The following LMBRD2 variants were observed in gnomAD, a reference collection of about 807,000 sequenced individuals.
LMBRD2 encodes LMBR1 domain containing 2.
A neutral mutation model predicts 94.4 loss-of-function variants in LMBRD2; 55 were observed. That is an observed-to-expected ratio of 0.58 (90% CI 0.47 to 0.73). LMBRD2 has a LOEUF of 0.73. Ranked by LOEUF, LMBRD2 falls within the 30% of genes least tolerant of loss-of-function variation. The pLI is 0.00. For synonymous variants in LMBRD2, 246 were observed against 272.4 expected (o/e 0.90, Z 0.95); for missense variants, 640 against 831.9 (o/e 0.77, Z 2.84).
Position 36,117,874 on chromosome 5 carries a change from ATC to A in LMBRD2, c.1161_1162del (p.Lys387AsnfsTer22), listed in dbSNP as rs1382170859. 1 of 1,613,272 alleles carries A rather than the reference ATC, an allele frequency of 6.2e-7. No individual in the cohort carries two copies. The highest frequency in any genetic ancestry group is 1.3e-5 in the African/African-American group (1 of 74,884). ...GAAGATGGACAGAACCACAGCAAGT[ATC>A]TTGTAAAACCATGGTCGCAAAAGAC... is the stretch of plus-strand genomic sequence containing the variant. On this transcript the variant is annotated frameshift_variant, in exon 10 of 18. Coordinates refer to ENST00000296603, the MANE Select transcript of LMBRD2 (RefSeq NM_001007527.2). LOFTEE classifies it high-confidence loss of function.
At chr5:36,146,218 AAAC>A (rs1248347915) in intron 1 of LMBRD2, among the ~76,000 whole-genome samples, 1 of 152,246 alleles carries the variant, frequency 6.6e-6, no homozygotes, top group Non-Finnish European at 1.5e-5. Context: ...TAGTGACTTT[AAAC>A]AACATCCATT....
chr5:36,104,233 G>A (rs1206031759), intron 17 of LMBRD2, 127 bp from the exon 18 acceptor site: 3 of 698,498 alleles, frequency 4.3e-6, no homozygotes, highest in Non-Finnish European at 7.5e-6. Context: ...GTCAGTAGCT[G>A]AAAGCAGAAA....
rs981512066 is a variant in LMBRD2 at position 36,134,869 on chromosome 5, T to C, written c.747+1440A>G. ...TTTATGTTAAGACTTGAAAATGAAA[T>C]AGGAATTAGCTGAAGAGAGTGCTGA... On this transcript the variant is annotated intron_variant, in intron 6 of 17. Transcript: ENST00000296603. Among the ~76,000 whole-genome samples, 11 of 152,188 alleles carry C rather than the reference T, an allele frequency of 7.2e-5. No individual in the cohort carries two copies. The South Asian group carries it at 1.7e-3, about 23-fold the overall frequency.
At chr5:36,105,270 C>G (rs942521480) in intron 16 of LMBRD2, 73 bp from the exon 17 acceptor site, 33 of 1,370,682 alleles carry the variant, frequency 2.4e-5, no homozygotes, top group Non-Finnish European at 3.0e-5. Flanking sequence ...TATGGAGGTA[C>G]AGAAAGAAAA....
In LMBRD2 at chr5:36,109,951, T is replaced by A. The variant is rs1486726628; in HGVS notation, c.1785A>T (p.Arg595=). 1 of 1,604,808 alleles carries A rather than the reference T, an allele frequency of 6.2e-7. No individual in the cohort carries two copies. Among genetic ancestry groups the A allele is most frequent in the East Asian group, 2.2e-5 (1 of 44,736 alleles). ...AAATTAATACTGTACTTACTCTTCT[T>A]CGATTTTCACCTTCTTCTTGCCTTT... ...KRQRQEEGEN[R]RREWKERYGH... Residue 595 remains arginine (R), a synonymous_variant, in exon 15 of 18, where the codon CGA becomes CGT. Transcript: ENST00000296603.
chr5:36,121,680 TAC>T (rs1440213751), intron 9 of LMBRD2, among the ~76,000 whole-genome samples: 8 of 152,196 alleles, frequency 5.3e-5, no homozygotes, highest in Admixed American at 1.3e-4. Context: ...CTATTTTAAG[TAC>T]AGTCATGTGT....
chr5:36,118,767 C>T (rs1392387196), intron 9 of LMBRD2, among the ~76,000 whole-genome samples: 1 of 151,870 alleles, frequency 6.6e-6, no homozygotes, highest in African/African-American at 2.4e-5. Context: ...TCTCCTGCCT[C>T]AGCCTCCCAA....
At chr5:36,104,333 A>T (rs1743415340) in intron 17 of LMBRD2, among the ~76,000 whole-genome samples, 1 of 152,024 alleles carries the variant, frequency 6.6e-6, no homozygotes, top group Non-Finnish European at 1.5e-5. Context: ...TGACAGAGTG[A>T]GAGATGTAAA....
At chr5:36,104,615 T>A (rs1455093647) in intron 17 of LMBRD2, among the ~76,000 whole-genome samples, 1 of 152,014 alleles carries the variant, frequency 6.6e-6, no homozygotes, top group African/African-American at 2.4e-5. Flanking sequence ...ACTGAGCCTC[T>A]CTGGATTTAA....
Position 36,151,041 on chromosome 5 carries a change from A to AT in LMBRD2, c.-58+514_-58+515insA, listed in dbSNP as rs1418279452. On this transcript the variant is annotated intron_variant, in intron 1 of 17. Coordinates refer to ENST00000296603, the MANE Select transcript of LMBRD2 (RefSeq NM_001007527.2). This position sits in a 1 kb window ranked among gnomAD's most constrained non-coding sequence, Gnocchi z 4.7. Reference sequence around the variant, plus strand: ...CCTCTTCCACTGTTTTCCCGGGGTCACAGTTGTAGTATAGTTTGCCCAATG... The same window carrying AT: ...CCTCTTCCACTGTTTTCCCGGGGTCATCAGTTGTAGTATAGTTTGCCCAATG... Among the ~76,000 whole-genome samples the AT allele has an allele frequency of 6.6e-6, 1 of 152,186 alleles. No individual in the cohort carries two copies. The highest frequency in any genetic ancestry group is 1.5e-5 in the Non-Finnish European group (1 of 68,032).
At chr5:36,147,712 A>C (rs2111919592) in intron 1 of LMBRD2, among the ~76,000 whole-genome samples, 1 of 152,288 alleles carries the variant, frequency 6.6e-6, no homozygotes, top group East Asian at 1.9e-4. Context: ...TACGGCTGAT[A>C]ATAGTTTTTC....
chr5:36,117,962 A>G, intron 9 of LMBRD2, 46 bp from the exon 10 acceptor site: 1 of 1,382,850 alleles, frequency 7.2e-7, no homozygotes, highest in Non-Finnish European at 9.9e-7. Context: ...ACAAAAGAGT[A>G]ATGGGATATT....
intron 5 of LMBRD2, 43 bp downstream of exon 5, chr5:36,137,231 C>A (rs1389312152): frequency 3.1e-6 from 4 of 1,310,518 alleles, no homozygotes; most frequent in Middle Eastern, 5.1e-4. Context: ...TTTAAAAATG[C>A]AAACATACAT....
intron 7 of LMBRD2, among the ~76,000 whole-genome samples, chr5:36,123,642 C>T (rs1028414439): frequency 8.6e-5 from 13 of 151,156 alleles, no homozygotes; most frequent in African/African-American, 3.2e-4. Flanking sequence ...TATATGAATA[C>T]CCCTAATTCA....
intron 1 of LMBRD2, among the ~76,000 whole-genome samples, chr5:36,150,985 T>C (rs986985428): frequency 2.0e-5 from 3 of 152,240 alleles, no homozygotes; most frequent in African/African-American, 4.8e-5. Context: ...TAAATCTTCA[T>C]TTTTATGAGG....
intron 1 of LMBRD2, among the ~76,000 whole-genome samples, chr5:36,150,040 A>T (rs931446974): frequency 6.6e-6 from 1 of 152,254 alleles, no homozygotes; most frequent in East Asian, 1.9e-4. Flanking sequence ...TCCTTACGTT[A>T]AAAAGAATCT....
At chr5:36,117,685 A>G in intron 10 of LMBRD2, 50 bp downstream of exon 10, 1 of 1,301,270 alleles carries the variant, frequency 7.7e-7, no homozygotes. Context: ...ATAGTTAAGG[A>G]TTATACTATG....
At chr5:36,144,142 A>G (rs1036369575) in intron 1 of LMBRD2, among the ~76,000 whole-genome samples, 1 of 152,172 alleles carries the variant, frequency 6.6e-6, no homozygotes, top group Non-Finnish European at 1.5e-5. Flanking sequence ...TTTATGATAC[A>G]GTCATCAGCG....
intron 6 of LMBRD2, among the ~76,000 whole-genome samples, chr5:36,135,235 C>T (rs908180039): frequency 6.6e-6 from 1 of 152,128 alleles, no homozygotes; most frequent in Non-Finnish European, 1.5e-5. Context: ...TTAATCTCTC[C>T]GTGCCTCATA....
Sources: allele counts gnomAD v4.1 joint callset (sites outside exome capture counted in the v4.1 genomes callset), GRCh38; gene constraint gnomAD v4.1.1; non-coding constraint Gnocchi (gnomAD v3.1); transcripts MANE v1.5; gene names NCBI Gene and HGNC (gene_info 2026-07-23, HGNC 2026-07-21).